Variants in DYNC2LI1 observed in about 807,000 individuals in gnomAD.
DYNC2LI1 encodes the protein cytoplasmic dynein 2 light intermediate chain 1.
Under a neutral mutation model 51.9 loss-of-function variants are expected in DYNC2LI1, and 45 were observed. That is an observed-to-expected ratio of 0.87 (90% CI 0.68 to 1.11). DYNC2LI1 has a LOEUF of 1.11. Among genes scored for constraint, DYNC2LI1 ranks in the 50% most tolerant of loss-of-function variants. The probability of loss-of-function intolerance (pLI) is 0.00; values close to 1 mark genes in which losing one functional copy is unlikely to be tolerated. For synonymous variants in DYNC2LI1, 130 were observed against 137.8 expected (o/e 0.94, Z 0.40); for missense variants, 490 against 417.4 (o/e 1.17, Z -1.51).
chr2:43,827,988 T>C, the DYNC2LI1 span: 8 of 1,613,924 alleles, frequency 5.0e-6, no homozygotes, highest in Non-Finnish European at 6.8e-6. Flanking sequence ...CTTACTAGGA[T>C]CCTGGAGCAG....
At chr2:43,804,613 G>C (rs372308067) in intron 10 of DYNC2LI1, 29 bp from the exon 11 acceptor site, 15 of 1,381,968 alleles carry the variant, frequency 1.1e-5, no homozygotes, top group Non-Finnish European at 1.4e-5. Flanking sequence ...AATCATTGCA[G>C]TCATTTGTGG....
At chr2:43,790,210 A>G (rs1350220943) in intron 5 of DYNC2LI1, among the ~76,000 whole-genome samples, 1 of 152,226 alleles carries the variant, frequency 6.6e-6, no homozygotes, top group Non-Finnish European at 1.5e-5. Context: ...TGCTGACCTT[A>G]GAGAAATAGA....
At chr2:43,819,980 A>G in the DYNC2LI1 span, 15 of 1,614,058 alleles carry the variant, frequency 9.3e-6, no homozygotes, top group South Asian at 2.2e-5. Context: ...TGTTGACTAT[A>G]TTTGGATTTT....
At chr2:43,789,808 TG>T in intron 5 of DYNC2LI1, 87 bp downstream of exon 5, 1 of 1,166,692 alleles carries the variant, frequency 8.6e-7, no homozygotes, top group Non-Finnish European at 1.2e-6. Flanking sequence ...GTCAGAATTT[TG>T]GGGCACAGTT....
the DYNC2LI1 span, chr2:43,823,942 T>A: frequency 1.9e-6 from 3 of 1,614,150 alleles, no homozygotes; most frequent in Non-Finnish European, 2.5e-6. Flanking sequence ...CATGCCTGTG[T>A]ACGGGGTGGC....
At chr2:43,827,415 T>C in the DYNC2LI1 span, among the ~76,000 whole-genome samples, 2 of 151,860 alleles carry the variant, frequency 1.3e-5, no homozygotes, top group African/African-American at 4.8e-5. Flanking sequence ...GAACAGGCCG[T>C]CCTGGTCTAC....
chr2:43,774,113 C>G lies in DYNC2LI1; in HGVS notation c.-26C>G. 1 of 1,613,804 alleles carries G rather than the reference C, an allele frequency of 6.2e-7. No individual in the cohort carries two copies. Among genetic ancestry groups the G allele is most frequent in the Non-Finnish European group, 8.5e-7 (1 of 1,179,914 alleles). Reference sequence around the variant, plus strand: ...GCTGGTCACTACTCCGAGCCTGTGACGTTTGCGGCAGCCAGGCCGTCGACG... The same window carrying G: ...GCTGGTCACTACTCCGAGCCTGTGAGGTTTGCGGCAGCCAGGCCGTCGACG... On this transcript the variant is annotated 5_prime_UTR_variant, in exon 1 of 13. Coordinates refer to ENST00000260605, the MANE Select transcript of DYNC2LI1 (RefSeq NM_016008.4).
intron 2 of DYNC2LI1, among the ~76,000 whole-genome samples, chr2:43,779,317 G>A (rs1426872294): frequency 1.3e-5 from 2 of 152,114 alleles, no homozygotes; most frequent in African/African-American, 4.8e-5. Context: ...ACATTATTTT[G>A]GAAGATAAAG....
chr2:43,774,227 T>G (rs1321549695), intron 1 of DYNC2LI1, 81 bp downstream of exon 1: 1 of 1,578,260 alleles, frequency 6.3e-7, no homozygotes, highest in Non-Finnish European at 8.6e-7. Flanking sequence ...GACCAGCTGT[T>G]GGAAGATTGT....
At chr2:43,806,849 A>G (rs753503235) in intron 12 of DYNC2LI1, among the ~76,000 whole-genome samples, 1 of 152,202 alleles carries the variant, frequency 6.6e-6, no homozygotes, top group Non-Finnish European at 1.5e-5. Context: ...CATCTCTTGT[A>G]TCTCACTGCC....
At chr2:43,796,820 G>A (rs772346117) in intron 8 of DYNC2LI1, 25 bp downstream of exon 8, 6 of 1,592,120 alleles carry the variant, frequency 3.8e-6, no homozygotes, top group South Asian at 3.3e-5. Context: ...TGTCCTTTGG[G>A]CTTGAATGGA....
At chr2:43,820,349 A>T in the DYNC2LI1 span, among the ~76,000 whole-genome samples, 1 of 152,330 alleles carries the variant, frequency 6.6e-6, no homozygotes, top group African/African-American at 2.4e-5. Flanking sequence ...TTCAGCTCTC[A>T]TAGGAAAACA....
downstream of DYNC2LI1, chr2:43,810,059 A>G (rs764522814): frequency 2.3e-5 from 17 of 734,746 alleles, no homozygotes; most frequent in Non-Finnish European, 2.9e-5. Flanking sequence ...GTTTCTGCTT[A>G]TATGTTTTTA....
the DYNC2LI1 span, chr2:43,826,529 CA>C: frequency 6.2e-7 from 1 of 1,614,176 alleles, no homozygotes; most frequent in Non-Finnish European, 8.5e-7. Context: ...CCTCTGCCAG[CA>C]AAGAAGGGCC....
intron 2 of DYNC2LI1, among the ~76,000 whole-genome samples, chr2:43,782,208 G>A (rs1673319433): frequency 6.6e-6 from 1 of 152,060 alleles, no homozygotes; most frequent in Non-Finnish European, 1.5e-5. Flanking sequence ...GGACATGTAG[G>A]TTGTTTTTAG....
At chr2:43,810,281 C>T (rs1336693756), downstream of DYNC2LI1, 3 of 819,800 alleles carry the variant, frequency 3.7e-6, no homozygotes, top group African/African-American at 1.9e-5. Flanking sequence ...CCTAGAGTGT[C>T]GCCATCAGTG....
At chr2:43,792,809 G>A (rs770055173) in intron 5 of DYNC2LI1, 27 of 1,521,062 alleles carry the variant, frequency 1.8e-5, no homozygotes, top group South Asian at 5.0e-5. Context: ...GGGTTCTTCC[G>A]TTTGTAGTAT....
In DYNC2LI1 at chr2:43,804,695, A is replaced by G; in HGVS notation, c.856A>G (p.Met286Val). Residue 286 changes from methionine (M) to valine (V), a missense_variant, in exon 11 of 13, where the codon ATG (methionine) becomes GTG (valine). By Grantham distance (21) the Met-to-Val change is conservative. Coordinates refer to ENST00000260605, the MANE Select transcript of DYNC2LI1 (RefSeq NM_016008.4). Reference sequence around the variant, plus strand: ...TGGAAAGCTTCATGCCCACTCACCTATGGAGTTGTGGAAAAAAGTGTATGA... The same window carrying G: ...TGGAAAGCTTCATGCCCACTCACCTGTGGAGTTGTGGAAAAAAGTGTATGA... ...DIGKLHAHSP[M>V]ELWKKVYEKL... 6.2e-7 allele frequency: 1 copy of G among 1,607,954 alleles called. No homozygotes were observed. Among genetic ancestry groups the G allele is most frequent in the Non-Finnish European group, 8.5e-7 (1 of 1,177,924 alleles).
At chr2:43,819,998 A>G in the DYNC2LI1 span, 2 of 1,614,192 alleles carry the variant, frequency 1.2e-6, no homozygotes, top group Non-Finnish European at 1.7e-6. Flanking sequence ...TTTGGACGAT[A>G]CCAAGTAGCA....
Sources: gnomAD v4.1 joint callset for allele counts (sites outside exome capture counted in the v4.1 genomes callset) on GRCh38, gnomAD v4.1.1 for gene constraint, MANE v1.5 for transcripts, NCBI Gene and HGNC (gene_info 2026-07-23, HGNC 2026-07-21) for gene names.